Variants in SKIC3 observed in about 807,000 individuals in gnomAD.
SKIC3 encodes superkiller complex protein 3.
At chr5:95,543,098 G>A in the SKIC3 span, 2 of 1,486,590 alleles carry the variant, frequency 1.3e-6, no homozygotes, top group Non-Finnish European at 1.8e-6. Context: ...AGGTTTAAAT[G>A]CTTAGTTTAA....
chr5:95,509,252 C>T, the SKIC3 span, among the ~76,000 whole-genome samples: 1 of 152,086 alleles, frequency 6.6e-6, no homozygotes, highest in Non-Finnish European at 1.5e-5. Flanking sequence ...AACTTTGTTC[C>T]TTAGTTCAGC....
chr5:95,541,294 C>T, the SKIC3 span: 1 of 1,613,146 alleles, frequency 6.2e-7, no homozygotes, highest in Non-Finnish European at 8.5e-7. Context: ...GTCAGAAAAT[C>T]ATTCACCAAC....
At chr5:95,468,853 A>G in the SKIC3 span, among the ~76,000 whole-genome samples, 2 of 152,198 alleles carry the variant, frequency 1.3e-5, no homozygotes, top group Non-Finnish European at 2.9e-5. Context: ...TCTCTAAGTT[A>G]CCAACACTGA....
the SKIC3 span, among the ~76,000 whole-genome samples, chr5:95,496,547 TC>T: frequency 3.3e-5 from 5 of 152,012 alleles, no homozygotes; most frequent in Non-Finnish European, 7.4e-5. Flanking sequence ...AACCCCAAGT[TC>T]TAAACTTTGT....
chr5:95,491,106 G>C, the SKIC3 span: 1 of 1,581,772 alleles, frequency 6.3e-7, no homozygotes, highest in Non-Finnish European at 8.6e-7. Flanking sequence ...TATCAAAAAT[G>C]AGATTAAGAG....
At chr5:95,501,338 T>C in the SKIC3 span, among the ~76,000 whole-genome samples, 1 of 152,180 alleles carries the variant, frequency 6.6e-6, no homozygotes, top group Non-Finnish European at 1.5e-5. Context: ...ATTTTACACA[T>C]GGTTACTTAT....
the SKIC3 span, among the ~76,000 whole-genome samples, chr5:95,478,967 TACTTATC>T: frequency 8.5e-5 from 13 of 152,166 alleles, no homozygotes; most frequent in Non-Finnish European, 1.6e-4. Context: ...CAAGAATGTT[TACTTATC>T]ACCACTTTTG....
At chr5:95,534,116 C>T in the SKIC3 span, among the ~76,000 whole-genome samples, 1 of 150,398 alleles carries the variant, frequency 6.6e-6, no homozygotes, top group Non-Finnish European at 1.5e-5. Flanking sequence ...AGGGGCCATA[C>T]AATAAAGAAA....
At chr5:95,535,079 G>A in the SKIC3 span, among the ~76,000 whole-genome samples, 10 of 151,978 alleles carry the variant, frequency 6.6e-5, no homozygotes, top group East Asian at 1.9e-3. Context: ...CATACTCCTC[G>A]TTCATTCAAA....
At chr5:95,541,039 T>C in the SKIC3 span, among the ~76,000 whole-genome samples, 1 of 152,180 alleles carries the variant, frequency 6.6e-6, no homozygotes. Flanking sequence ...CAATCTCGGC[T>C]TACCACAACA....
At chr5:95,523,070 C>T in the SKIC3 span, 26 of 1,249,718 alleles carry the variant, frequency 2.1e-5, no homozygotes, top group South Asian at 1.4e-4. Flanking sequence ...AAACAATAAA[C>T]ACCAATCAAT....
chr5:95,517,366 A>G, the SKIC3 span: 2 of 1,586,880 alleles, frequency 1.3e-6, no homozygotes, highest in Admixed American at 1.8e-5. Context: ...ATTTATAAAA[A>G]GCATGAAGTT....
chr5:95,544,214 G>A, the SKIC3 span, among the ~76,000 whole-genome samples: 1 of 152,098 alleles, frequency 6.6e-6, no homozygotes, highest in Non-Finnish European at 1.5e-5. Context: ...GCACCAGGGG[G>A]AAAAGGCACT....
the SKIC3 span, among the ~76,000 whole-genome samples, chr5:95,510,328 G>T: frequency 1.3e-5 from 2 of 152,192 alleles, no homozygotes; most frequent in Non-Finnish European, 2.9e-5. Flanking sequence ...TTGGTTTATA[G>T]TTTATAGTTT....
chr5:95,550,311 T>C, the SKIC3 span, among the ~76,000 whole-genome samples: 5 of 151,800 alleles, frequency 3.3e-5, no homozygotes, highest in African/African-American at 1.2e-4. Context: ...TTAAATAATA[T>C]TCCAATATGC....
chr5:95,514,996 CATAAA>C, the SKIC3 span: 1 of 1,450,866 alleles, frequency 6.9e-7, no homozygotes, highest in Non-Finnish European at 9.5e-7. Context: ...GTTTAAAAAG[CATAAA>C]ATAAGTCAAA....
the SKIC3 span, chr5:95,497,331 G>T: frequency 1.7e-6 from 2 of 1,201,760 alleles, no homozygotes; most frequent in Admixed American, 2.0e-5. Flanking sequence ...TCTTGCAGAA[G>T]AATAATGCCA....
chr5:95,554,535 A>C, the SKIC3 span, among the ~76,000 whole-genome samples: 1 of 152,204 alleles, frequency 6.6e-6, no homozygotes, highest in Non-Finnish European at 1.5e-5. Context: ...TCTGAAGGCA[A>C]GGAACAGCTA....
the SKIC3 span, chr5:95,497,495 G>A: frequency 1.2e-5 from 20 of 1,612,346 alleles, no homozygotes; most frequent in South Asian, 2.1e-4. Context: ...GTTGCTAAAG[G>A]AATCAAAAGT....
Sources: allele counts gnomAD v4.1 joint callset (sites outside exome capture counted in the v4.1 genomes callset), GRCh38; gene constraint gnomAD v4.1.1; transcripts MANE v1.5; gene names NCBI Gene and HGNC (gene_info 2026-07-23, HGNC 2026-07-21).